Variants in WIPF2 observed in about 807,000 individuals in gnomAD.
WIPF2 encodes the protein WAS/WASL interacting protein family member 2.
WIPF2 carries 23 observed loss-of-function variants against 38.8 expected under a neutral mutation model. The observed-to-expected ratio is 0.59, with a 90% CI of 0.43 to 0.84. WIPF2 has a LOEUF of 0.84. Ranked by LOEUF, WIPF2 falls within the 40% of genes least tolerant of loss-of-function variation. The pLI, the probability that WIPF2 is intolerant of heterozygous loss-of-function variation, is 0.00. For missense variants in WIPF2, 574 were observed against 580.5 expected (o/e 0.99, Z 0.11); for synonymous variants, 210 against 223.2 (o/e 0.94, Z 0.53).
chr17:40,278,120 T>C (rs2032462128), intron 7 of WIPF2, 65 bp from the exon 8 acceptor site: 4 of 1,543,916 alleles, frequency 2.6e-6, no homozygotes, highest in Middle Eastern at 3.4e-4. Context: ...TTTAGGAATG[T>C]GTGGGTTGTT....
intron 5 of WIPF2, among the ~76,000 whole-genome samples, chr17:40,268,886 T>A (rs2032169657): frequency 6.6e-6 from 1 of 152,164 alleles, no homozygotes; most frequent in East Asian, 1.9e-4. Flanking sequence ...AAATGTACAT[T>A]TGAAAAGTAC....
intron 1 of WIPF2, among the ~76,000 whole-genome samples, chr17:40,225,806 G>A (rs1459467233): frequency 6.6e-6 from 1 of 151,764 alleles, no homozygotes; most frequent in African/African-American, 2.4e-5. Context: ...ACAGGCGCAC[G>A]CCACTATGCC....
At chr17:40,261,676 T>TG (rs141022557) in intron 3 of WIPF2, among the ~76,000 whole-genome samples, 16,501 of 148,786 alleles carry the variant, frequency 0.11, 1,054 homozygotes, top group East Asian at 0.29. Context: ...TTGTTTTTTT[T>TG]TTTTGGTTTT....
intron 1 of WIPF2, among the ~76,000 whole-genome samples, chr17:40,250,121 C>T (rs2031504979): frequency 6.6e-6 from 1 of 151,392 alleles, no homozygotes; most frequent in Admixed American, 6.6e-5. Context: ...CCTGAGCCAC[C>T]CTGCTGGACC....
At chr17:40,257,742 CAAAA>C (rs397857008) in intron 2 of WIPF2, among the ~76,000 whole-genome samples, 4 of 90,020 alleles carry the variant, frequency 4.4e-5, no homozygotes, top group African/African-American at 1.1e-4. Flanking sequence ...GGCTCCATCT[CAAAA>C]AAAAAAAAAA....
At chr17:40,238,243 C>T (rs551086737) in intron 1 of WIPF2, among the ~76,000 whole-genome samples, 27 of 152,140 alleles carry the variant, frequency 1.8e-4, no homozygotes, top group African/African-American at 6.3e-4. Context: ...TCTTATCTTT[C>T]GTGTTAGAGA....
intron 6 of WIPF2, among the ~76,000 whole-genome samples, chr17:40,276,520 CAAAAAA>C (rs1160459322): frequency 0.013 from 945 of 71,610 alleles, 8 homozygotes; most frequent in African/African-American, 0.054. Flanking sequence ...GACTCCGTCT[CAAAAAA>C]AAAAAAAAAA....
chr17:40,257,579 G>A (rs1055752561), intron 2 of WIPF2, among the ~76,000 whole-genome samples: 3 of 151,732 alleles, frequency 2.0e-5, no homozygotes, highest in Admixed American at 2.0e-4. Context: ...TTGGGAGGCT[G>A]AGGTGGGTGG....
intron 1 of WIPF2, among the ~76,000 whole-genome samples, chr17:40,245,588 C>G (rs907993996): frequency 1.3e-5 from 2 of 152,020 alleles, no homozygotes; most frequent in East Asian, 1.9e-4. Context: ...AGTGATCTAC[C>G]CGCCTCGGCC....
intron 1 of WIPF2, among the ~76,000 whole-genome samples, chr17:40,239,646 C>T (rs1036689231): frequency 6.6e-6 from 1 of 151,766 alleles, no homozygotes; most frequent in South Asian, 2.1e-4. Flanking sequence ...TCCGTCACTG[C>T]CCTTAGCTGT....
chr17:40,278,101 GTC>G, intron 7 of WIPF2, 82 bp from the exon 8 acceptor site: 1 of 1,463,042 alleles, frequency 6.8e-7, no homozygotes, highest in Admixed American at 2.0e-5. Flanking sequence ...TAAAGAGCCT[GTC>G]TCTCATTTTA....
chr17:40,251,139 C>T (rs1338432242), intron 1 of WIPF2, among the ~76,000 whole-genome samples: 4 of 151,958 alleles, frequency 2.6e-5, no homozygotes, highest in Non-Finnish European at 5.9e-5. Flanking sequence ...TGGTCTCAAT[C>T]TCCTGACCTT....
In WIPF2 at chr17:40,278,518, G is replaced by T; in HGVS notation, c.*293G>T. ...TTTCCGTGTCTTCTGCCTTCCTCTT[G>T]GGGAAAGGTGCCTTGTTGTGATGAA... is the stretch of plus-strand genomic sequence containing the variant. On this transcript the variant is annotated 3_prime_UTR_variant, in exon 8 of 8. Transcript: ENST00000323571. The T allele has an allele frequency of 2.4e-6, 1 of 424,148 alleles. No homozygotes were observed. The highest frequency in any genetic ancestry group is 4.3e-6 in the Non-Finnish European group (1 of 233,134). 26.3% of individuals were successfully genotyped at this position (424,148 alleles called of 1,614,324 possible). A position where few individuals can be genotyped will look rare whatever the true frequency, so the allele number is the denominator to read the frequency against.
chr17:40,253,812 CT>C (rs1954175924), intron 1 of WIPF2, among the ~76,000 whole-genome samples: 1 of 152,062 alleles, frequency 6.6e-6, no homozygotes. Context: ...ATTTTGAAGA[CT>C]TTTACTGTCT....
rs143667903 is a variant in WIPF2 at position 40,243,505 on chromosome 17, C to T, written c.-69-12886C>T. Among the ~76,000 whole-genome samples, 535 of 151,948 alleles carry T rather than the reference C, an allele frequency of 3.5e-3. 1 individual carries two copies. Among genetic ancestry groups the T allele is most frequent in the Non-Finnish European group, 4.9e-3 (330 of 67,942 alleles). ...TCCAGGTTTCATTTGTTGTAGAAGT[C>T]CTAGGATTTTTCAGGTTTTTTTTTT... On this transcript the variant is annotated intron_variant, in intron 1 of 7. Transcript: ENST00000323571.
At chr17:40,227,085 A>G (rs2030525287) in intron 1 of WIPF2, among the ~76,000 whole-genome samples, 1 of 151,986 alleles carries the variant, frequency 6.6e-6, no homozygotes, top group Admixed American at 6.6e-5. Flanking sequence ...TGTGTCAGCC[A>G]GGCTGGAGTG....
intron 4 of WIPF2, 51 bp downstream of exon 4, chr17:40,262,692 A>G: frequency 1.3e-6 from 2 of 1,505,630 alleles, no homozygotes; most frequent in Non-Finnish European, 1.8e-6. Flanking sequence ...TTAATTTCTG[A>G]TGTCCCAAGT....
chr17:40,240,203 C>T (rs2031139217), intron 1 of WIPF2, among the ~76,000 whole-genome samples: 1 of 152,082 alleles, frequency 6.6e-6, no homozygotes, highest in Admixed American at 6.6e-5. Context: ...CTGGCAACTA[C>T]AGGCATGAGC....
intron 1 of WIPF2, among the ~76,000 whole-genome samples, chr17:40,245,794 A>G (rs2031343188): frequency 6.6e-6 from 1 of 152,252 alleles, no homozygotes; most frequent in African/African-American, 2.4e-5. Flanking sequence ...CTGGGGAACA[A>G]AATCCCTCCT....
Sources: gnomAD v4.1 joint callset for allele counts (sites outside exome capture counted in the v4.1 genomes callset) on GRCh38, gnomAD v4.1.1 for gene constraint, MANE v1.5 for transcripts, NCBI Gene and HGNC (gene_info 2026-07-23, HGNC 2026-07-21) for gene names.